FMN1: variants seen among roughly 807,000 people sequenced by gnomAD.
The protein encoded by FMN1 is formin 1, also known as formin-1.
A neutral mutation model predicts 132.4 loss-of-function variants in FMN1; 110 were observed. The observed-to-expected ratio is 0.83, with a 90% CI of 0.71 to 0.97. FMN1 has a LOEUF of 0.97. Ranked by LOEUF, FMN1 falls within the 50% of genes least tolerant of loss-of-function variation. FMN1 has a pLI of 0.00. For synonymous variants in FMN1, 722 were observed against 651.7 expected (o/e 1.11, Z -1.64); for missense variants, 1,792 against 1,705.3 (o/e 1.05, Z -0.90).
At chr15:32,995,856 T>C (rs1221380670) in intron 7 of FMN1, among the ~76,000 whole-genome samples, 1 of 152,238 alleles carries the variant, frequency 6.6e-6, no homozygotes, top group Non-Finnish European at 1.5e-5. Context: ...CATAAAACTA[T>C]GGCAACAGTA....
In FMN1 at chr15:33,151,526, T is replaced by A. The variant is rs1964438856; in HGVS notation, c.1867+1522A>T. The A allele has an allele frequency of 4.2e-6, 3 of 710,862 alleles. 1 individual carries two copies. Among genetic ancestry groups the A allele is most frequent in the African/African-American group, 3.6e-5 (2 of 56,102 alleles). The allele number at this position is 710,862 out of a possible 1,614,324, so 44.0% of individuals were successfully genotyped here. A position where few individuals can be genotyped will look rare whatever the true frequency, so the allele number is the denominator to read the frequency against. ...CTCTGTGTGCCTGCCTTGATCCAGA[T>A]ACACTGGAGCTTTTATGATATTTTT... On this transcript the variant is annotated intron_variant, in intron 4 of 20. Transcript: ENST00000616417.
intron 17 of FMN1, among the ~76,000 whole-genome samples, chr15:32,850,056 G>C (rs995628480): frequency 3.9e-5 from 6 of 152,256 alleles, no homozygotes; most frequent in Middle Eastern, 3.4e-3. Flanking sequence ...AATGATCTTT[G>C]GAACCACGCC....
chr15:33,088,681 AAAC>A, intron 5 of FMN1, 115 bp downstream of exon 5: 2 of 918,388 alleles, frequency 2.2e-6, no homozygotes, highest in Non-Finnish European at 1.5e-6. Flanking sequence ...GATTTTTTTT[AAAC>A]AATGATCCAT....
At chr15:33,084,076 A>AG (rs2038595324) in intron 5 of FMN1, among the ~76,000 whole-genome samples, 1 of 152,086 alleles carries the variant, frequency 6.6e-6, no homozygotes, top group Non-Finnish European at 1.5e-5. Context: ...CTCATGAATA[A>AG]TTCACCCCTT....
intron 5 of FMN1, chr15:33,067,344 T>C: frequency 6.2e-7 from 1 of 1,614,022 alleles, no homozygotes; most frequent in Non-Finnish European, 8.5e-7. Flanking sequence ...GGGTTTTCTT[T>C]GGACTCCTGA....
chr15:33,118,100 T>C (rs1052760654), intron 4 of FMN1, among the ~76,000 whole-genome samples: 6 of 152,194 alleles, frequency 3.9e-5, no homozygotes, highest in Admixed American at 3.9e-4. Flanking sequence ...TCTGAGAAAA[T>C]GTAAATACAT....
intron 19 of FMN1, among the ~76,000 whole-genome samples, chr15:32,796,941 G>A (rs2057310061): frequency 6.6e-6 from 1 of 152,196 alleles, no homozygotes; most frequent in African/African-American, 2.4e-5. Context: ...GGAATGAAGG[G>A]TCCCCTGAAA....
intron 19 of FMN1, among the ~76,000 whole-genome samples, chr15:32,795,406 G>A (rs1437498188): frequency 1.3e-5 from 2 of 152,074 alleles, no homozygotes; most frequent in Non-Finnish European, 2.9e-5. Context: ...ATGGCAGAAG[G>A]GAAACACACA....
chr15:33,102,325 G>T (rs2039325860), intron 4 of FMN1, among the ~76,000 whole-genome samples: 1 of 152,102 alleles, frequency 6.6e-6, no homozygotes, highest in Non-Finnish European at 1.5e-5. Context: ...GAGAAGATGT[G>T]CTAGGGAGGG....
At chr15:33,030,704 G>A (rs2035895259) in intron 6 of FMN1, among the ~76,000 whole-genome samples, 2 of 152,144 alleles carry the variant, frequency 1.3e-5, no homozygotes, top group Admixed American at 1.3e-4. Context: ...TAAAACTGCT[G>A]TTAGTTATAA....
chr15:32,783,540 G>A (rs951986808), intron 19 of FMN1, among the ~76,000 whole-genome samples: 2 of 151,912 alleles, frequency 1.3e-5, no homozygotes, highest in African/African-American at 4.8e-5. Flanking sequence ...AAGTCAGATC[G>A]AAACCATCCT....
intron 16 of FMN1, among the ~76,000 whole-genome samples, chr15:32,874,118 T>G (rs1042512508): frequency 2.0e-5 from 3 of 149,554 alleles, no homozygotes; most frequent in Non-Finnish European, 4.4e-5. Flanking sequence ...GCCTCCTGGG[T>G]TCAAGCGATT....
At chr15:33,130,553 C>T (rs117639880) in intron 4 of FMN1, among the ~76,000 whole-genome samples, 5,486 of 152,094 alleles carry the variant, frequency 0.036, 148 homozygotes, top group Non-Finnish European at 0.056. Flanking sequence ...TAATTTTAAG[C>T]AATTTTGATG....
At chr15:32,903,164 C>A (rs2060338078) in intron 12 of FMN1, among the ~76,000 whole-genome samples, 1 of 150,084 alleles carries the variant, frequency 6.7e-6, no homozygotes, top group Admixed American at 6.7e-5. Flanking sequence ...AGGTCATAAT[C>A]CACAATCTTT....
intron 10 of FMN1, among the ~76,000 whole-genome samples, chr15:32,917,579 G>C (rs1463729459): frequency 6.6e-6 from 1 of 152,170 alleles, no homozygotes; most frequent in African/African-American, 2.4e-5. Flanking sequence ...TGAGGCGGGT[G>C]CGTTTGTTGT....
rs1184315850 is a variant in FMN1 at position 33,035,189 on chromosome 15, CTAACA to C, written c.2162-27119_2162-27115del. On this transcript the variant is annotated intron_variant, in intron 6 of 20. Transcript: ENST00000616417. ...CAGGATCTAGTGGCAGGTGTAAAACCTAACATAATTTTGAAATGGCTCTAAACATA... is the reference window on the plus strand; with the variant it reads ...CAGGATCTAGTGGCAGGTGTAAAACCTAATTTTGAAATGGCTCTAAACATA... 3.9e-5 allele frequency among the ~76,000 whole-genome samples: 6 copies of C among 151,952 alleles called. No homozygotes were observed. In the East Asian group the frequency reaches 7.7e-4, roughly 20 times the overall value.
At chr15:32,994,785 CATTTGTT>C (rs1428438876) in intron 7 of FMN1, among the ~76,000 whole-genome samples, 2 of 152,080 alleles carry the variant, frequency 1.3e-5, no homozygotes, top group Non-Finnish European at 2.9e-5. Context: ...GGTCCTTTGT[CATTTGTT>C]ATATAGAATG....
chr15:33,087,325 T>C (rs773157178), intron 5 of FMN1, among the ~76,000 whole-genome samples: 5 of 151,994 alleles, frequency 3.3e-5, no homozygotes, highest in Non-Finnish European at 7.4e-5. Context: ...GCAGGGAACA[T>C]TTTTGAGGTC....
chr15:32,888,183 C>G lies in FMN1; in HGVS notation c.3824G>C (p.Arg1275Thr). The G allele has an allele frequency of 6.2e-7, 1 of 1,607,864 alleles. No homozygotes were observed. Among genetic ancestry groups the G allele is most frequent in the Non-Finnish European group, 8.5e-7 (1 of 1,177,970 alleles). Residue 1275 changes from arginine (R) to threonine (T), a missense_variant, in exon 16 of 21, where the codon AGG becomes ACG. Arg to Thr is a moderately conservative substitution (Grantham distance 71). Coordinates refer to ENST00000616417, the MANE Select transcript of FMN1 (RefSeq NM_001277313.2). ...ACAGTTCCTATTACCTTCTAGTTGC[C>G]TCTTCAGTTTTCTCAAATCTTTTAT... ...DLIKDLRKLK[R>T]QLEASEKQMV...
Sources: gnomAD v4.1 joint callset for allele counts (sites outside exome capture counted in the v4.1 genomes callset) on GRCh38, gnomAD v4.1.1 for gene constraint, MANE v1.5 for transcripts, NCBI Gene and HGNC (gene_info 2026-07-23, HGNC 2026-07-21) for gene names.